Variants in WNT2B observed in about 807,000 individuals in gnomAD.
WNT2B encodes the protein Wnt family member 2B, also known as protein Wnt-2b.
Under a neutral mutation model 40.5 loss-of-function variants are expected in WNT2B, and 19 were observed. That is an observed-to-expected ratio of 0.47 (90% confidence interval 0.33 to 0.69). The LOEUF (loss-of-function observed/expected upper bound fraction) is 0.69. WNT2B is among the 30% of genes least tolerant of loss of function. The pLI is 0.02. For missense variants in WNT2B, 467 were observed against 556.4 expected (o/e 0.84, Z 1.62); for synonymous variants, 220 against 211.9 (o/e 1.04, Z -0.33).
intron 1 of WNT2B, among the ~76,000 whole-genome samples, chr1:112,487,882 C>T (rs1185318543): frequency 4.3e-5 from 6 of 138,476 alleles, no homozygotes; most frequent in East Asian, 2.2e-4. Flanking sequence ...TGCAATGAGC[C>T]GAGATTGCGC....
chr1:112,516,287 A>C lies in WNT2B; in HGVS notation c.551A>C (p.Asp184Ala), dbSNP rs142716277. 8.0e-5 allele frequency: 129 copies of C among 1,613,900 alleles called. No individual in the cohort carries two copies. The highest frequency in any genetic ancestry group is 1.2e-4 in the African/African-American group (9 of 74,862). Reference sequence around the variant, plus strand: ...CACCATGACCAGCGTGGGGACTTTGACTGGGGTGGCTGCAGTGACAACATC... The same window carrying C: ...CACCATGACCAGCGTGGGGACTTTGCCTGGGGTGGCTGCAGTGACAACATC... ...GRHHDQRGDF[D>A]WGGCSDNIHY... is the part of the protein sequence containing the mutation. Residue 184 changes from aspartate (D) to alanine (A), a missense_variant, in exon 3 of 5, where the codon GAC becomes GCC. Transcript: ENST00000369684.
chr1:112,512,778 G>A (rs1652400463), intron 1 of WNT2B, among the ~76,000 whole-genome samples: 2 of 151,914 alleles, frequency 1.3e-5, no homozygotes, highest in African/African-American at 4.8e-5. Context: ...GTTAGCCTCA[G>A]GCTCAGCTTT....
intron 1 of WNT2B, among the ~76,000 whole-genome samples, chr1:112,493,441 G>A (rs1319543541): frequency 6.6e-6 from 1 of 152,032 alleles, no homozygotes; most frequent in Admixed American, 6.6e-5. Flanking sequence ...AACATAGTGA[G>A]ACCCTGCCTT....
chr1:112,499,452 C>T (rs945745888), intron 1 of WNT2B, among the ~76,000 whole-genome samples: 1 of 152,094 alleles, frequency 6.6e-6, no homozygotes, highest in African/African-American at 2.4e-5. Flanking sequence ...AATTAGGCAC[C>T]ATCTGGGATT....
rs977926906 is a variant in WNT2B, at chr1:112,525,062, A to C, written c.*4553A>C. 6.6e-6 allele frequency: 1 copy of C among 152,236 alleles called. No homozygotes were observed. The allele number at this position is 152,236 out of a possible 1,614,324, so 9.4% of individuals were successfully genotyped here. On this transcript the variant is annotated 3_prime_UTR_variant, in exon 5 of 5. Coordinates refer to ENST00000369684, the MANE Select transcript of WNT2B (RefSeq NM_024494.3). ...TGGTGAAGAATTACCATCAAAGCAG[A>C]GTGGCTGAGACTGTATAAGTTCGCA...
Position 112,515,865 on chromosome 1 carries a change from C to A in WNT2B, c.404-275C>A, listed in dbSNP as rs1485089342. ...ACCAGGAGACTTTTCAATGGATGGA[C>A]ACAGGGAATTTGGCAGGAAACAAGA... is the stretch of plus-strand genomic sequence containing the variant. On this transcript the variant is annotated intron_variant, in intron 2 of 4. Coordinates refer to ENST00000369684, the MANE Select transcript of WNT2B (RefSeq NM_024494.3). This position sits in a 1 kb window ranked among gnomAD's most constrained non-coding sequence, Gnocchi z 4.4. 1.3e-5 allele frequency among the ~76,000 whole-genome samples: 2 copies of A among 152,106 alleles called. No individual in the cohort carries two copies. The highest frequency in any genetic ancestry group is 2.9e-5 in the Non-Finnish European group (2 of 68,034).
At chr1:112,479,879 T>A (rs1651170282) in intron 1 of WNT2B, among the ~76,000 whole-genome samples, 1 of 151,424 alleles carries the variant, frequency 6.6e-6, no homozygotes, top group Non-Finnish European at 1.5e-5. Flanking sequence ...CCCGACTAAT[T>A]TTCTGTATTT....
chr1:112,474,036 G>A (rs1650975094), intron 1 of WNT2B, among the ~76,000 whole-genome samples: 1 of 142,274 alleles, frequency 7.0e-6, no homozygotes, highest in Non-Finnish European at 1.5e-5. Flanking sequence ...CTGCACTCCG[G>A]CCTGGGTGAC....
chr1:112,514,029 T>C (rs1215030761), intron 1 of WNT2B, among the ~76,000 whole-genome samples: 1 of 152,250 alleles, frequency 6.6e-6, no homozygotes, highest in Non-Finnish European at 1.5e-5. Context: ...GAAACAATAA[T>C]GACTCTGGCA....
At chr1:112,512,978 G>A (rs1652406532) in intron 1 of WNT2B, among the ~76,000 whole-genome samples, 1 of 152,194 alleles carries the variant, frequency 6.6e-6, no homozygotes. Flanking sequence ...AAGGACCTAT[G>A]TGGGCTGCAG....
At chr1:112,474,953 C>CA (rs1337134436) in intron 1 of WNT2B, among the ~76,000 whole-genome samples, 1 of 152,182 alleles carries the variant, frequency 6.6e-6, no homozygotes, top group East Asian at 1.9e-4. Flanking sequence ...CCTGCTACCC[C>CA]TTCACTTTCC....
At chr1:112,500,888 C>T (rs1651928318) in intron 1 of WNT2B, among the ~76,000 whole-genome samples, 1 of 152,198 alleles carries the variant, frequency 6.6e-6, no homozygotes, top group Non-Finnish European at 1.5e-5. Flanking sequence ...ATCTTTCTTA[C>T]ACTACAAATG....
chr1:112,477,648 C>T (rs1235934891), intron 1 of WNT2B, among the ~76,000 whole-genome samples: 3 of 152,072 alleles, frequency 2.0e-5, no homozygotes, highest in African/African-American at 7.2e-5. Flanking sequence ...AAAAGCAATA[C>T]AAGAACAGAT....
intron 1 of WNT2B, among the ~76,000 whole-genome samples, chr1:112,483,099 C>T (rs928219187): frequency 2.0e-5 from 3 of 151,946 alleles, no homozygotes. Context: ...CAGGAGGATG[C>T]TTCAGCCTAG....
chr1:112,481,306 G>GA (rs1651217645), intron 1 of WNT2B, among the ~76,000 whole-genome samples: 1 of 152,198 alleles, frequency 6.6e-6, no homozygotes, highest in African/African-American at 2.4e-5. Flanking sequence ...ATTAGCTAAA[G>GA]AAAAAATGTG....
chr1:112,472,693 C>T (rs1650917935), intron 1 of WNT2B, among the ~76,000 whole-genome samples: 1 of 151,872 alleles, frequency 6.6e-6, no homozygotes, highest in Admixed American at 6.6e-5. Context: ...GTCTGGCATC[C>T]AATAAAAAAT....
At position 112,509,957 on chromosome 1, in the gene WNT2B, C is replaced by G. The variant is rs1304388436; in HGVS notation, c.182+513C>G. Among the ~76,000 whole-genome samples, 2 of 152,268 alleles carry G rather than the reference C, an allele frequency of 1.3e-5. No homozygotes were observed. Among genetic ancestry groups the G allele is most frequent in the South Asian group, 2.1e-4 (1 of 4,820 alleles). ...AAATGGAATCGAGGCAAAATTTACC[C>G]CATTAACTCCCACAATTAAAACAAA... On this transcript the variant is annotated intron_variant, in intron 1 of 4. Coordinates refer to ENST00000369684, the MANE Select transcript of WNT2B (RefSeq NM_024494.3). This position sits in a 1 kb window ranked among gnomAD's most constrained non-coding sequence, Gnocchi z 4.2.
At chr1:112,480,669 C>T (rs1651197492) in intron 1 of WNT2B, among the ~76,000 whole-genome samples, 1 of 152,044 alleles carries the variant, frequency 6.6e-6, no homozygotes, top group South Asian at 2.1e-4. Context: ...AGAATGAACA[C>T]CTAATCTTTC....
Position 112,520,077 on chromosome 1 carries a change from TC to T in WNT2B, c.947-200del, listed in dbSNP as rs1652782834. On this transcript the variant is annotated intron_variant, in intron 4 of 4. Coordinates refer to ENST00000369684, the MANE Select transcript of WNT2B (RefSeq NM_024494.3). ...TTGTAGAGACAGGGCTTGCTATGTT[TC>T]CCAGGCTGGTCTTGAATTCCTGGAC... Among the ~76,000 whole-genome samples, 3 of 150,880 alleles carry T rather than the reference TC, an allele frequency of 2.0e-5. No individual in the cohort carries two copies. The South Asian group carries it at 6.3e-4, about 32-fold the overall frequency.
Sources: gnomAD v4.1 joint callset for allele counts (sites outside exome capture counted in the v4.1 genomes callset) on GRCh38, gnomAD v4.1.1 for gene constraint, Gnocchi (gnomAD v3.1) non-coding constraint, MANE v1.5 for transcripts, NCBI Gene and HGNC (gene_info 2026-07-23, HGNC 2026-07-21) for gene names.